The following SEC24D variants were observed in gnomAD, a reference collection of about 807,000 sequenced individuals.
SEC24D encodes the protein SEC24 homolog D, COPII component.
In SEC24D, 69 loss-of-function variants were observed where a neutral mutation model predicts 116.9. That is an observed-to-expected ratio of 0.59 (90% CI 0.49 to 0.72). SEC24D has a LOEUF of 0.72. Ranked by LOEUF, SEC24D falls within the 30% of genes least tolerant of loss-of-function variation. SEC24D has a pLI of 0.00. For missense variants in SEC24D, 1,131 were observed against 1,264.1 expected, an observed-to-expected ratio of 0.89 and a Z score of 1.60; for synonymous variants, 405 against 442.8, an observed-to-expected ratio of 0.91 and a Z score of 1.07.
chr4:118,760,436 T>C (rs1308347403), intron 10 of SEC24D: 2 of 152,228 alleles, frequency 1.3e-5, no homozygotes, highest in Non-Finnish European at 2.9e-5. Context: ...GGCTGGCTTA[T>C]TTTACTTAGC....
intron 10 of SEC24D, among the ~76,000 whole-genome samples, chr4:118,761,659 A>G (rs1346924100): frequency 6.6e-6 from 1 of 152,224 alleles, no homozygotes; most frequent in African/African-American, 2.4e-5. Context: ...GAATTTGAAT[A>G]TGTTTTGAGG....
intron 8 of SEC24D, 39 bp downstream of exon 8, chr4:118,797,644 T>C (rs761838718): frequency 2.0e-6 from 3 of 1,464,008 alleles, no homozygotes; most frequent in Non-Finnish European, 2.8e-6. Flanking sequence ...AATTTTGGAA[T>C]TGATAAATTA....
chr4:118,834,166 C>T (rs115673173), intron 1 of SEC24D, among the ~76,000 whole-genome samples: 6,672 of 152,264 alleles, frequency 0.044, 202 homozygotes, highest in Non-Finnish European at 0.064. Flanking sequence ...TTATGACTTA[C>T]GTCTTTTTAG....
At chr4:118,775,345 C>CAAAAA (rs55740002) in intron 8 of SEC24D, among the ~76,000 whole-genome samples, 129 of 114,482 alleles carry the variant, frequency 1.1e-3, no homozygotes, top group African/African-American at 5.0e-3. Flanking sequence ...AGCAAAAGGT[C>CAAAAA]AAAAAAAAAA....
At chr4:118,781,577 C>T (rs1324414921) in intron 8 of SEC24D, among the ~76,000 whole-genome samples, 1 of 152,096 alleles carries the variant, frequency 6.6e-6, no homozygotes, top group African/African-American at 2.4e-5. Flanking sequence ...TGGGGTTACT[C>T]TTCTCGAGGA....
At chr4:118,744,858 C>A in intron 14 of SEC24D, 86 bp downstream of exon 14, 2 of 724,666 alleles carry the variant, frequency 2.8e-6, no homozygotes, top group Non-Finnish European at 4.8e-6. Flanking sequence ...TTTAGTTTCT[C>A]CCCTTTTTTC....
chr4:118,744,049 G>A lies in SEC24D; in HGVS notation c.1934C>T (p.Ala645Val), dbSNP rs1204637774. Residue 645 changes from alanine (A) to valine (V), a missense_variant, in exon 15 of 23, where the codon GCC (alanine) becomes GTC (valine). Transcript: ENST00000280551. ...GAGCTGAGGAACCAGCCCCAGCGAG[G>A]CCACGTCCACATACTGACTAGGAAA... ...FLFPSQYVDV[A>V]SLGLVPQLTG... The A allele has an allele frequency of 1.9e-6, 3 of 1,613,472 alleles. No individual in the cohort carries two copies. The highest frequency in any genetic ancestry group is 2.7e-5 in the African/African-American group (2 of 74,896).
At position 118,740,738 on chromosome 4, in the gene SEC24D, G is replaced by A. The variant is rs143587228; in HGVS notation, c.2163C>T (p.Ile721=). The change falls in exon 17 of 23, where the codon ATC becomes ATT. Residue 721 remains isoleucine, a synonymous_variant. Transcript: ENST00000280551. ...NNTTDVEMAA[I]DCDKAVTVEF... Reference sequence around the variant, plus strand: ...CCACGGTCACTGCCTTGTCACAATCGATGGCAGCCATTTCTACATCGGTGG... The same window carrying A: ...CCACGGTCACTGCCTTGTCACAATCAATGGCAGCCATTTCTACATCGGTGG... 108 of 1,613,902 alleles carry A rather than the reference G, an allele frequency of 6.7e-5. No homozygotes were observed. The African/African-American group carries it at 1.2e-3, about 19-fold the overall frequency.
rs2110438902 is a variant in SEC24D at position 118,739,233 on chromosome 4, G to A, written c.2293C>T (p.Leu765Phe). Residue 765 changes from leucine (L) to phenylalanine (F), a missense_variant, in exon 18 of 23, where the codon CTT becomes TTT. Transcript: ENST00000280551. The stretch of plus-strand genomic sequence containing the variant: ...AGCTGAGAGCTGCAGTTTAAGCCAA[G>A]ATTGTGAATCCGAAGTCTTCTTTGA... ...SGQRRLRIHN[L>F]GLNCSSQLAD... The A allele has an allele frequency of 1.2e-6, 2 of 1,613,666 alleles. No individual in the cohort carries two copies. The highest frequency in any genetic ancestry group is 2.2e-5 in the South Asian group (2 of 91,060).
At chr4:118,782,534 C>T (rs904127893) in intron 8 of SEC24D, among the ~76,000 whole-genome samples, 1 of 152,202 alleles carries the variant, frequency 6.6e-6, no homozygotes, top group Non-Finnish European at 1.5e-5. Context: ...AGGTGTCTCC[C>T]CAGTTAGGCT....
Position 118,824,691 on chromosome 4 carries a change from C to T in SEC24D, c.177G>A (p.Pro59=), listed in dbSNP as rs149044753. The change falls in exon 3 of 23, where the codon CCG becomes CCA. Residue 59 remains proline, a synonymous_variant. Transcript: ENST00000280551. ...GATATRGMLP[P]GPPPPGPHQF... is the part of the protein sequence containing the mutation. The stretch of plus-strand genomic sequence containing the variant: ...GATGGGGTCCAGGAGGTGGGGGACC[C>T]GGAGGCAACATTCCCCTAGTGGCGG... The T allele has an allele frequency of 7.0e-5, 112 of 1,608,192 alleles. No individual in the cohort carries two copies. The highest frequency in any genetic ancestry group is 2.7e-4 in the African/African-American group (20 of 74,530).
intron 13 of SEC24D, among the ~76,000 whole-genome samples, chr4:118,751,130 G>A (rs1726802318): frequency 6.8e-6 from 1 of 147,446 alleles, no homozygotes; most frequent in Admixed American, 6.9e-5. Context: ...GGGCCAAAAT[G>A]GTTTGACTCT....
chr4:118,775,937 T>C (rs574294708), intron 8 of SEC24D, among the ~76,000 whole-genome samples: 1 of 152,306 alleles, frequency 6.6e-6, no homozygotes, highest in East Asian at 1.9e-4. Flanking sequence ...CTGTGAACAA[T>C]TTTTAAATTG....
At chr4:118,734,158 C>G (rs1725839626) in intron 19 of SEC24D, among the ~76,000 whole-genome samples, 1 of 149,876 alleles carries the variant, frequency 6.7e-6, no homozygotes, top group African/African-American at 2.5e-5. Flanking sequence ...AACTTGCAAA[C>G]AGATAAATGA....
At chr4:118,813,844 C>A (rs1263895457) in intron 6 of SEC24D, among the ~76,000 whole-genome samples, 1 of 152,202 alleles carries the variant, frequency 6.6e-6, no homozygotes, top group South Asian at 2.1e-4. Context: ...GAAACTAATA[C>A]ATTATCCTAA....
At chr4:118,821,784 C>T (rs747703430) in intron 3 of SEC24D, among the ~76,000 whole-genome samples, 1 of 152,246 alleles carries the variant, frequency 6.6e-6, no homozygotes, top group Non-Finnish European at 1.5e-5. Flanking sequence ...TCACGGTGCA[C>T]TTTACCCTTG....
chr4:118,798,242 T>C (rs1480469942), intron 7 of SEC24D, among the ~76,000 whole-genome samples: 1 of 152,252 alleles, frequency 6.6e-6, no homozygotes, highest in Non-Finnish European at 1.5e-5. Context: ...TAAGCATTTG[T>C]ATACTATTTC....
At chr4:118,753,019 CT>C in intron 11 of SEC24D, 131 bp from the exon 12 acceptor site, 1 of 648,048 alleles carries the variant, frequency 1.5e-6, no homozygotes, top group Non-Finnish European at 2.4e-6. Context: ...GTCTTACTTT[CT>C]GTTACCAAGT....
At chr4:118,810,488 G>A (rs1344294584) in intron 6 of SEC24D, among the ~76,000 whole-genome samples, 2 of 152,178 alleles carry the variant, frequency 1.3e-5, no homozygotes, top group Admixed American at 1.3e-4. Context: ...ATTGGATCTG[G>A]ATTTCAGGGA....
Sources: allele counts gnomAD v4.1 joint callset (sites outside exome capture counted in the v4.1 genomes callset), GRCh38; gene constraint gnomAD v4.1.1; transcripts MANE v1.5; gene names NCBI Gene and HGNC (gene_info 2026-07-23, HGNC 2026-07-21).